KHDRBS2: variants seen among roughly 807,000 people sequenced by gnomAD.
The protein encoded by KHDRBS2 is KH RNA binding domain containing, signal transduction associated 2, also known as KH domain-containing, RNA-binding, signal transduction-associated protein 2.
KHDRBS2 carries 26 observed loss-of-function variants against 44.3 expected under a neutral mutation model. That is an observed-to-expected ratio of 0.59 (90% CI 0.43 to 0.81). KHDRBS2 has a LOEUF of 0.81. KHDRBS2 is among the 40% of genes least tolerant of loss of function. The probability of loss-of-function intolerance (pLI) is 0.00; values close to 1 mark genes in which losing one functional copy is unlikely to be tolerated. For missense variants in KHDRBS2, 476 were observed against 433.1 expected (o/e 1.10, Z -0.88); for synonymous variants, 194 against 151.1 (o/e 1.28, Z -2.08).
Position 61,747,042 on chromosome 6 carries a change from GAAA to G in KHDRBS2, c.811-14281_811-14279del, listed in dbSNP as rs66854016. Among the ~76,000 whole-genome samples the G allele has an allele frequency of 7.1e-4, 100 of 141,576 alleles. 1 individual carries two copies. The East Asian group carries it at 0.019, about 27-fold the overall frequency. 92.9% of individuals were successfully genotyped at this position (141,576 alleles called of 152,430 possible). The stretch of plus-strand genomic sequence containing the variant: ...TAAACAAATGTAAAAGAAAAAAAAA[GAAA>G]AAAAAAAACATCTAAAAGTGGACGA... On this transcript the variant is annotated intron_variant, in intron 6 of 8. Transcript: ENST00000281156.
intron 1 of KHDRBS2, among the ~76,000 whole-genome samples, chr6:62,202,587 G>C (rs1367131615): frequency 1.3e-5 from 2 of 151,988 alleles, no homozygotes; most frequent in African/African-American, 2.4e-5. Flanking sequence ...GCCTTGGGTA[G>C]TCTACTGTTA....
intron 1 of KHDRBS2, among the ~76,000 whole-genome samples, chr6:62,249,414 G>A (rs1332415462): frequency 1.3e-5 from 2 of 151,804 alleles, no homozygotes; most frequent in East Asian, 3.9e-4. Flanking sequence ...AGTTTCCAAG[G>A]AAAATTATTG....
chr6:61,647,753 G>C, the KHDRBS2 span, among the ~76,000 whole-genome samples: 2 of 152,110 alleles, frequency 1.3e-5, no homozygotes, highest in Admixed American at 6.5e-5. Context: ...GGGTATGTTT[G>C]TATCACTCAA....
chr6:61,564,895 C>T, the KHDRBS2 span, among the ~76,000 whole-genome samples: 1 of 151,914 alleles, frequency 6.6e-6, no homozygotes, highest in Non-Finnish European at 1.5e-5. Flanking sequence ...TCAAATTATA[C>T]TACAGAGTTT....
At chr6:61,667,308 C>A in the KHDRBS2 span, among the ~76,000 whole-genome samples, 1 of 150,700 alleles carries the variant, frequency 6.6e-6, no homozygotes, top group African/African-American at 2.4e-5. Flanking sequence ...ATATTTTAAA[C>A]ATAAATTAGA....
At chr6:61,827,336 G>A (rs186691721) in intron 6 of KHDRBS2, among the ~76,000 whole-genome samples, 536 of 152,290 alleles carry the variant, frequency 3.5e-3, no homozygotes, top group Non-Finnish European at 4.1e-3. Flanking sequence ...TAGAAGTAGG[G>A]ATGTGAGTGT....
At chr6:61,743,116 C>T (rs1166160605) in intron 6 of KHDRBS2, among the ~76,000 whole-genome samples, 1 of 152,018 alleles carries the variant, frequency 6.6e-6, no homozygotes. Context: ...CCTCAAGAGA[C>T]ATACGTGGAA....
At chr6:61,625,764 T>G in the KHDRBS2 span, among the ~76,000 whole-genome samples, 2 of 152,218 alleles carry the variant, frequency 1.3e-5, no homozygotes, top group East Asian at 3.8e-4. Flanking sequence ...AGTAATCACT[T>G]ACACATCTAA....
the KHDRBS2 span, among the ~76,000 whole-genome samples, chr6:61,557,862 A>C: frequency 1.3e-5 from 2 of 151,904 alleles, no homozygotes; most frequent in African/African-American, 2.4e-5. Context: ...CATGGTTCAA[A>C]CTTGGTAGGT....
chr6:62,127,566 GT>G (rs374205291), intron 2 of KHDRBS2, among the ~76,000 whole-genome samples: 11,302 of 151,120 alleles, frequency 0.075, 456 homozygotes, highest in African/African-American at 0.086. Flanking sequence ...ACTACACTAA[GT>G]TTTTTTTTCT....
At chr6:61,568,206 T>C in the KHDRBS2 span, among the ~76,000 whole-genome samples, 1 of 152,204 alleles carries the variant, frequency 6.6e-6, no homozygotes, top group Non-Finnish European at 1.5e-5. Flanking sequence ...TATGTGTCTG[T>C]TTTTATGCCA....
At chr6:62,219,567 T>C (rs1830542589) in intron 1 of KHDRBS2, among the ~76,000 whole-genome samples, 1 of 151,352 alleles carries the variant, frequency 6.6e-6, no homozygotes, top group African/African-American at 2.4e-5. Flanking sequence ...ACCTAAAAGA[T>C]GCATATTAGA....
intron 7 of KHDRBS2, among the ~76,000 whole-genome samples, chr6:61,725,426 G>A (rs560776594): frequency 2.4e-4 from 36 of 152,024 alleles, no homozygotes; most frequent in Non-Finnish European, 4.6e-4. Flanking sequence ...GCTAGTAGGA[G>A]ACAGGAATAA....
chr6:62,216,786 T>A lies in KHDRBS2; in HGVS notation c.92-39474A>T, dbSNP rs112104410. Among the ~76,000 whole-genome samples, 71 of 150,730 alleles carry A rather than the reference T, an allele frequency of 4.7e-4. 1 individual carries two copies. Among genetic ancestry groups the A allele is most frequent in the African/African-American group, 1.6e-3 (67 of 41,268 alleles). ...CAAGTAGACCAGGATAGACTTTAGATGACCAAAAGCCTAGATCACTTCGGT... is the reference window on the plus strand; with the variant it reads ...CAAGTAGACCAGGATAGACTTTAGAAGACCAAAAGCCTAGATCACTTCGGT... On this transcript the variant is annotated intron_variant, in intron 1 of 8. Transcript: ENST00000281156.
chr6:62,040,036 T>C (rs1206292790), intron 3 of KHDRBS2, among the ~76,000 whole-genome samples: 1 of 152,122 alleles, frequency 6.6e-6, no homozygotes, highest in Non-Finnish European at 1.5e-5. Flanking sequence ...CTATTTTTGA[T>C]GTCTAGTATC....
chr6:61,986,741 A>G (rs1291419796), intron 3 of KHDRBS2, among the ~76,000 whole-genome samples: 1 of 152,138 alleles, frequency 6.6e-6, no homozygotes, highest in Admixed American at 6.6e-5. Flanking sequence ...GCTTGCAGAA[A>G]GGTCACCTTA....
the KHDRBS2 span, among the ~76,000 whole-genome samples, chr6:61,599,667 C>T: frequency 1.3e-5 from 2 of 152,160 alleles, no homozygotes; most frequent in African/African-American, 2.4e-5. Context: ...CAGGATTAGC[C>T]AGGCAACAAG....
chr6:62,151,761 G>C (rs148976274), intron 2 of KHDRBS2, among the ~76,000 whole-genome samples: 1 of 152,248 alleles, frequency 6.6e-6, no homozygotes, highest in African/African-American at 2.4e-5. Context: ...ACTGAAAACT[G>C]TCAGTAGATT....
At chr6:62,150,905 G>A (rs1163950315) in intron 2 of KHDRBS2, among the ~76,000 whole-genome samples, 2 of 152,120 alleles carry the variant, frequency 1.3e-5, no homozygotes, top group Admixed American at 6.5e-5. Context: ...ATCCATTTAA[G>A]AGCCAAAGGT....
Sources: allele counts gnomAD v4.1 joint callset (sites outside exome capture counted in the v4.1 genomes callset), GRCh38; gene constraint gnomAD v4.1.1; transcripts MANE v1.5; gene names NCBI Gene and HGNC (gene_info 2026-07-23, HGNC 2026-07-21).